The following GREB1L variants were observed in gnomAD, a reference collection of about 807,000 sequenced individuals.
GREB1L encodes GREB1 like retinoic acid receptor coactivator, also known as GREB1-like protein.
GREB1L carries 17 observed loss-of-function variants against 200.8 expected under a neutral mutation model. That is an observed-to-expected ratio of 0.08 (90% CI 0.06 to 0.13). The LOEUF (loss-of-function observed/expected upper bound fraction) is 0.13, where lower values mean the gene tolerates loss of function less well. Among genes scored for constraint, GREB1L ranks in the 10% least tolerant of loss-of-function variants. The pLI is 1.00. For synonymous variants in GREB1L, 789 were observed against 893.0 expected (o/e 0.88, Z 2.08); for missense variants, 1,657 against 2,367.7 (o/e 0.70, Z 6.23).
intron 1 of GREB1L, among the ~76,000 whole-genome samples, chr18:21,344,307 A>G (rs2039312069): frequency 6.6e-6 from 1 of 152,218 alleles, no homozygotes; most frequent in African/African-American, 2.4e-5. Flanking sequence ...AGGCTGAGGC[A>G]GGAGAATCGC....
chr18:21,268,469 C>CTA lies in GREB1L; in HGVS notation c.-120+26084_-120+26085dup, dbSNP rs1167016925. Among the ~76,000 whole-genome samples the CTA allele has an allele frequency of 6.2e-5, 8 of 128,206 alleles. No individual in the cohort carries two copies. In the East Asian group the frequency reaches 9.0e-4, roughly 14 times the overall value. 84.1% of individuals were successfully genotyped at this position (128,206 alleles called of 152,430 possible). ...AGTTTAGGAACAAGTTTCATGATGT[C>CTA]TATATATATGTGTGTGTGTGTATAT... is the stretch of plus-strand genomic sequence containing the variant. On this transcript the variant is annotated intron_variant, in intron 1 of 32. Coordinates refer to ENST00000424526, the MANE Select transcript of GREB1L (RefSeq NM_001142966.3).
At chr18:21,271,888 C>T (rs775697647) in intron 1 of GREB1L, among the ~76,000 whole-genome samples, 14 of 152,018 alleles carry the variant, frequency 9.2e-5, no homozygotes, top group East Asian at 1.9e-4. Context: ...AGGCTAAAAG[C>T]GTGGGGAACA....
chr18:21,323,852 A>C (rs1349675657), intron 1 of GREB1L, among the ~76,000 whole-genome samples: 1 of 152,232 alleles, frequency 6.6e-6, no homozygotes, highest in Non-Finnish European at 1.5e-5. Flanking sequence ...TTATAAATTA[A>C]TATAATTTCT....
intron 25 of GREB1L, among the ~76,000 whole-genome samples, chr18:21,507,021 C>T (rs964102592): frequency 1.3e-5 from 2 of 152,194 alleles, no homozygotes; most frequent in African/African-American, 4.8e-5. Flanking sequence ...TCACCCTTTT[C>T]CCACATCTCA....
At chr18:21,402,539 TTTC>T (rs2041363266) in intron 6 of GREB1L, among the ~76,000 whole-genome samples, 1 of 151,466 alleles carries the variant, frequency 6.6e-6, no homozygotes, top group Non-Finnish European at 1.5e-5. Context: ...TTTCCTTTCT[TTTC>T]TTTTCTTTCT....
At chr18:21,520,879 T>C in intron 32 of GREB1L, 56 bp downstream of exon 32, 1 of 1,429,614 alleles carries the variant, frequency 7.0e-7, no homozygotes. Context: ...CTGAGCAAAA[T>C]ACAGAAGATA....
intron 6 of GREB1L, chr18:21,401,728 A>G (rs2041325556): frequency 6.4e-6 from 1 of 156,326 alleles, no homozygotes; most frequent in Non-Finnish European, 1.4e-5. Context: ...AAACATACTT[A>G]GAATAAACAT....
At chr18:21,390,294 T>TA (rs113915650) in intron 4 of GREB1L, among the ~76,000 whole-genome samples, 113 of 148,758 alleles carry the variant, frequency 7.6e-4, no homozygotes, top group Middle Eastern at 3.5e-3. Context: ...TTCTACTTAT[T>TA]AAAAAAAAAA....
At chr18:21,253,344 C>A (rs1464677962) in intron 1 of GREB1L, among the ~76,000 whole-genome samples, 1 of 150,192 alleles carries the variant, frequency 6.7e-6, no homozygotes, top group Non-Finnish European at 1.5e-5. Flanking sequence ...CCTCCACCTA[C>A]CGGGTTCAAG....
At chr18:21,464,153 T>C (rs1193692720) in intron 15 of GREB1L, among the ~76,000 whole-genome samples, 1 of 152,168 alleles carries the variant, frequency 6.6e-6, no homozygotes, top group Non-Finnish European at 1.5e-5. Flanking sequence ...GGAAAAATGA[T>C]GGAATTAGAA....
At chr18:21,463,744 A>T (rs2035153470) in intron 15 of GREB1L, among the ~76,000 whole-genome samples, 1 of 151,764 alleles carries the variant, frequency 6.6e-6, no homozygotes. Flanking sequence ...CACTTGGCTA[A>T]TTTTTTTTAG....
chr18:21,459,252 A>G (rs1350063838), intron 15 of GREB1L, among the ~76,000 whole-genome samples: 1 of 147,836 alleles, frequency 6.8e-6, no homozygotes, highest in Non-Finnish European at 1.5e-5. Context: ...AGGCATTCCC[A>G]CTTTCTTTTC....
At chr18:21,262,611 T>G (rs2037906807) in intron 1 of GREB1L, among the ~76,000 whole-genome samples, 1 of 152,192 alleles carries the variant, frequency 6.6e-6, no homozygotes, top group East Asian at 1.9e-4. Context: ...AACAAAAATT[T>G]TATGTTTCTT....
chr18:21,258,185 AG>A (rs1038280991), intron 1 of GREB1L, among the ~76,000 whole-genome samples: 1 of 152,226 alleles, frequency 6.6e-6, no homozygotes, highest in African/African-American at 2.4e-5. Flanking sequence ...AAGGTGCTAT[AG>A]GTAGCTGCCG....
intron 1 of GREB1L, among the ~76,000 whole-genome samples, chr18:21,316,645 T>A (rs1230526340): frequency 6.6e-6 from 1 of 151,942 alleles, no homozygotes; most frequent in Non-Finnish European, 1.5e-5. Context: ...ATTGGGCTGT[T>A]GCAAAAGATA....
intron 1 of GREB1L, among the ~76,000 whole-genome samples, chr18:21,353,937 C>T (rs766505055): frequency 3.3e-5 from 5 of 152,008 alleles, no homozygotes; most frequent in African/African-American, 4.8e-5. Context: ...AGGTGCATAC[C>T]ACCACACTCA....
intron 2 of GREB1L, among the ~76,000 whole-genome samples, chr18:21,383,012 T>G (rs751410891): frequency 6.6e-6 from 1 of 151,272 alleles, no homozygotes; most frequent in Non-Finnish European, 1.5e-5. Flanking sequence ...TTTCAGAAAT[T>G]TAATTAAATA....
intron 19 of GREB1L, among the ~76,000 whole-genome samples, chr18:21,493,440 T>C (rs1315682058): frequency 1.3e-5 from 2 of 152,172 alleles, no homozygotes; most frequent in Admixed American, 6.5e-5. Context: ...GAGGGCCTGA[T>C]TGATGCACAG....
intron 1 of GREB1L, among the ~76,000 whole-genome samples, chr18:21,273,539 A>G (rs1278578853): frequency 2.0e-5 from 3 of 152,244 alleles, no homozygotes; most frequent in Non-Finnish European, 4.4e-5. Context: ...CAAACAGAAG[A>G]TAACTAATAC....
Sources: allele counts gnomAD v4.1 joint callset (sites outside exome capture counted in the v4.1 genomes callset), GRCh38; gene constraint gnomAD v4.1.1; transcripts MANE v1.5; gene names NCBI Gene and HGNC (gene_info 2026-07-23, HGNC 2026-07-21).